KCNK1: variants seen among roughly 807,000 people sequenced by gnomAD.
The protein encoded by KCNK1 is potassium channel subfamily K member 1.
A neutral mutation model predicts 22.2 loss-of-function variants in KCNK1; 10 were observed. The observed-to-expected ratio is 0.45, with a 90% CI of 0.28 to 0.76. The LOEUF is 0.76. Ranked by LOEUF, KCNK1 falls within the 30% of genes least tolerant of loss-of-function variation. The pLI, the probability that KCNK1 is intolerant of heterozygous loss-of-function variation, is 0.14. For missense variants in KCNK1, 378 were observed against 421.0 expected (o/e 0.90, Z 0.89); for synonymous variants, 200 against 186.4 (o/e 1.07, Z -0.60).
intron 1 of KCNK1, among the ~76,000 whole-genome samples, chr1:233,625,998 T>G (rs1171115584): frequency 6.6e-6 from 1 of 152,022 alleles, no homozygotes; most frequent in East Asian, 1.9e-4. Flanking sequence ...CACCAGGAGA[T>G]TTTGAGCAAA....
intron 1 of KCNK1, among the ~76,000 whole-genome samples, chr1:233,652,223 G>T (rs1465255214): frequency 6.6e-6 from 1 of 152,114 alleles, no homozygotes; most frequent in Admixed American, 6.5e-5. Context: ...TTAGATCTTT[G>T]GTTGTTGTCT....
At chr1:233,622,658 A>G (rs1232846101) in intron 1 of KCNK1, among the ~76,000 whole-genome samples, 2 of 152,176 alleles carry the variant, frequency 1.3e-5, no homozygotes, top group African/African-American at 4.8e-5. Context: ...AAGAAAGAGA[A>G]TAGGGAGTTG....
In KCNK1 at chr1:233,614,397, G is replaced by T. The variant is rs1316420976; in HGVS notation, c.226G>T (p.Glu76Ter). The T allele has an allele frequency of 8.1e-6, 13 of 1,611,810 alleles. No homozygotes were observed. Among genetic ancestry groups the T allele is most frequent in the Non-Finnish European group, 1.1e-5 (13 of 1,179,124 alleles). ...CGAGTGCCTGTCTGAGCAGCAGCTG[G>T]AGCAGTTCCTGGGCCGGGTGCTGGA... ...EHECLSEQQL[E>*]QFLGRVLEAS... The change falls in exon 1 of 3, where the codon GAG becomes TAG. Residue 76 changes from glutamate (E) to a stop codon, truncating the protein, a stop_gained. Coordinates refer to ENST00000366621, the MANE Select transcript of KCNK1 (RefSeq NM_002245.4). LOFTEE classifies it high-confidence loss of function.
intron 1 of KCNK1, among the ~76,000 whole-genome samples, chr1:233,657,435 C>T (rs1185818411): frequency 6.6e-6 from 1 of 152,154 alleles, no homozygotes; most frequent in African/African-American, 2.4e-5. Context: ...CTACCATGAT[C>T]TGCCCGCAGT....
At chr1:233,616,301 G>A (rs1254210569) in intron 1 of KCNK1, among the ~76,000 whole-genome samples, 2 of 152,120 alleles carry the variant, frequency 1.3e-5, no homozygotes, top group Non-Finnish European at 2.9e-5. Flanking sequence ...CAGTTTTGAG[G>A]AAAAAGGTTT....
Position 233,671,482 on chromosome 1 carries a change from T to C in KCNK1, c.963T>C (p.Phe321=). ...AGGACCAGAAGCAAAATGAGCCTTT[T>C]GTGGCCACCCAGTCATCTGCCTGCG... ...MKEDQKQNEP[F]VATQSSACVD... The change falls in exon 3 of 3, where the codon TTT becomes TTC. Residue 321 remains phenylalanine (F), a synonymous_variant. Transcript: ENST00000366621. 6.2e-7 allele frequency: 1 copy of C among 1,614,178 alleles called. No individual in the cohort carries two copies. The highest frequency in any genetic ancestry group is 1.1e-5 in the South Asian group (1 of 91,078).
chr1:233,615,009 GTAA>G (rs1282164729), intron 1 of KCNK1, among the ~76,000 whole-genome samples: 3 of 152,238 alleles, frequency 2.0e-5, no homozygotes, highest in African/African-American at 7.2e-5. Context: ...CTGCAGTCTG[GTAA>G]TAATACCTTC....
intron 1 of KCNK1, among the ~76,000 whole-genome samples, chr1:233,647,759 C>T (rs777655690): frequency 6.6e-5 from 10 of 152,144 alleles, no homozygotes; most frequent in South Asian, 2.1e-4. Context: ...AGTGAAATTG[C>T]GTTTTCTGGA....
intron 2 of KCNK1, among the ~76,000 whole-genome samples, chr1:233,670,775 A>G (rs566823370): frequency 4.1e-4 from 63 of 152,316 alleles, no homozygotes; most frequent in Admixed American, 2.1e-3. Context: ...TAAGACTGCA[A>G]TTTCTATTAT....
chr1:233,637,346 GA>G (rs1657917463), intron 1 of KCNK1: 1 of 152,208 alleles, frequency 6.6e-6, no homozygotes, highest in African/African-American at 2.4e-5. Flanking sequence ...GCAGAAGACT[GA>G]GGTCATTTTT....
chr1:233,643,798 G>A (rs72762247), intron 1 of KCNK1, among the ~76,000 whole-genome samples: 2,076 of 152,154 alleles, frequency 0.014, 26 homozygotes, highest in Middle Eastern at 0.034. Flanking sequence ...CCCTCTACCC[G>A]ACCCCAAACC....
At chr1:233,669,645 G>A (rs112101072) in intron 2 of KCNK1, among the ~76,000 whole-genome samples, 10 of 152,214 alleles carry the variant, frequency 6.6e-5, no homozygotes, top group East Asian at 1.9e-4. Context: ...CCAGGAGTTC[G>A]AGACCAACCT....
intron 1 of KCNK1, among the ~76,000 whole-genome samples, chr1:233,627,876 C>T (rs1657717807): frequency 6.6e-6 from 1 of 152,222 alleles, no homozygotes; most frequent in South Asian, 2.1e-4. Flanking sequence ...GCAATATTTG[C>T]TCTTTCAGCA....
intron 1 of KCNK1, among the ~76,000 whole-genome samples, chr1:233,657,637 G>GA (rs1658320963): frequency 7.2e-6 from 1 of 139,194 alleles, no homozygotes; most frequent in Non-Finnish European, 1.6e-5. Flanking sequence ...GAAAAGAAAA[G>GA]AAAGAAAAAA....
chr1:233,626,763 T>C (rs1657696460), intron 1 of KCNK1, among the ~76,000 whole-genome samples: 1 of 152,182 alleles, frequency 6.6e-6, no homozygotes, highest in Non-Finnish European at 1.5e-5. Flanking sequence ...AATTTAATAT[T>C]ACAAAAGGTT....
chr1:233,662,840 C>G (rs996447973), intron 1 of KCNK1, among the ~76,000 whole-genome samples: 1 of 152,048 alleles, frequency 6.6e-6, no homozygotes, highest in African/African-American at 2.4e-5. Flanking sequence ...TTGTTATGTT[C>G]AATCTTTTGG....
intron 1 of KCNK1, among the ~76,000 whole-genome samples, chr1:233,653,939 A>G (rs185254946): frequency 1.3e-5 from 2 of 152,170 alleles, no homozygotes; most frequent in Non-Finnish European, 2.9e-5. Flanking sequence ...GGAAATGGGT[A>G]ATGGGTAGAA....
chr1:233,642,491 A>T (rs773226425), intron 1 of KCNK1, among the ~76,000 whole-genome samples: 33 of 152,212 alleles, frequency 2.2e-4, no homozygotes, highest in Non-Finnish European at 3.5e-4. Context: ...AGCAGCATGT[A>T]CAAAATCATG....
chr1:233,635,294 A>G (rs942416842), intron 1 of KCNK1, among the ~76,000 whole-genome samples: 7 of 152,242 alleles, frequency 4.6e-5, no homozygotes, highest in African/African-American at 1.7e-4. Flanking sequence ...GCTAGAAAAT[A>G]AAAGCCATAT....
Sources: gnomAD v4.1 joint callset for allele counts (sites outside exome capture counted in the v4.1 genomes callset) on GRCh38, gnomAD v4.1.1 for gene constraint, MANE v1.5 for transcripts, NCBI Gene and HGNC (gene_info 2026-07-23, HGNC 2026-07-21) for gene names.